Variants in RALGAPA2 observed in about 807,000 individuals in gnomAD.
The protein encoded by RALGAPA2 is ral GTPase-activating protein subunit alpha-2.
RALGAPA2 carries 139 observed loss-of-function variants against 230.4 expected under a neutral mutation model. The observed-to-expected ratio is 0.60, with a 90% CI of 0.53 to 0.69. RALGAPA2 has a LOEUF of 0.69. Among genes scored for constraint, RALGAPA2 ranks in the 30% least tolerant of loss-of-function variants. The pLI, the probability that RALGAPA2 is intolerant of heterozygous loss-of-function variation, is 0.00. For missense variants in RALGAPA2, 2,163 were observed against 2,276.0 expected, an observed-to-expected ratio of 0.95 and a Z score of 1.01; for synonymous variants, 847 against 837.8, an observed-to-expected ratio of 1.01 and a Z score of -0.19.
intron 39 of RALGAPA2, among the ~76,000 whole-genome samples, chr20:20,394,127 A>T (rs897612466): frequency 6.6e-6 from 1 of 152,110 alleles, no homozygotes; most frequent in African/African-American, 2.4e-5. Context: ...TATTATTATT[A>T]TTGGCATTTG....
chr20:20,510,141 C>T (rs2062657674), intron 33 of RALGAPA2, among the ~76,000 whole-genome samples: 1 of 152,148 alleles, frequency 6.6e-6, no homozygotes, highest in South Asian at 2.1e-4. Flanking sequence ...AATGTTCATT[C>T]AGCAGGCTCT....
chr20:20,484,044 T>G (rs1283802356), intron 36 of RALGAPA2, among the ~76,000 whole-genome samples: 3 of 152,178 alleles, frequency 2.0e-5, no homozygotes, highest in Non-Finnish European at 1.5e-5. Context: ...TTCAAGGATC[T>G]GACACAGTTT....
chr20:20,687,622 A>T, intron 1 of RALGAPA2, among the ~76,000 whole-genome samples: 1 of 152,182 alleles, frequency 6.6e-6, no homozygotes, highest in East Asian at 1.9e-4. Context: ...GAACCACCCC[A>T]GCGAATACAG....
intron 2 of RALGAPA2, among the ~76,000 whole-genome samples, chr20:20,680,358 G>A (rs1049898663): frequency 3.9e-5 from 6 of 152,208 alleles, no homozygotes; most frequent in Admixed American, 2.0e-4. Flanking sequence ...AGACACTTGA[G>A]TGTTCATTTC....
intron 10 of RALGAPA2, among the ~76,000 whole-genome samples, chr20:20,624,521 AC>A (rs1439781951): frequency 6.6e-6 from 1 of 152,112 alleles, no homozygotes; most frequent in African/African-American, 2.4e-5. Flanking sequence ...TCAAGACTAA[AC>A]AACTCTGTAC....
chr20:20,592,829 A>AT (rs2065333776), intron 16 of RALGAPA2, among the ~76,000 whole-genome samples: 1 of 152,114 alleles, frequency 6.6e-6, no homozygotes, highest in Non-Finnish European at 1.5e-5. Context: ...AAAGGTTGCT[A>AT]TTTTTTCTAT....
chr20:20,547,656 T>C (rs1239641569), intron 23 of RALGAPA2, among the ~76,000 whole-genome samples: 1 of 152,230 alleles, frequency 6.6e-6, no homozygotes, highest in Non-Finnish European at 1.5e-5. Context: ...TGTGTGTGTG[T>C]GTGTGTAACA....
intron 1 of RALGAPA2, among the ~76,000 whole-genome samples, chr20:20,705,661 T>G (rs2069569798): frequency 6.6e-6 from 1 of 151,862 alleles, no homozygotes; most frequent in Admixed American, 6.6e-5. Context: ...TTGTTGTTGT[T>G]GTTGTTTTGT....
At chr20:20,487,601 C>T (rs1028463593) in intron 36 of RALGAPA2, among the ~76,000 whole-genome samples, 10 of 152,158 alleles carry the variant, frequency 6.6e-5, no homozygotes, top group African/African-American at 2.2e-4. Context: ...CCAGGCCAGA[C>T]AGGCTGTGTG....
intron 1 of RALGAPA2, among the ~76,000 whole-genome samples, chr20:20,703,697 A>C (rs2069485412): frequency 2.0e-5 from 3 of 152,228 alleles, no homozygotes; most frequent in African/African-American, 7.2e-5. Flanking sequence ...GTCACAAGAA[A>C]GGCAAAAGTA....
rs571226081 is a variant in RALGAPA2 at position 20,497,019 on chromosome 20, T to G, written c.5209-1744A>C. ...TGATCCAGAACAATTTAATGGCATC[T>G]CCGACTTTCTAATGGCAAAATTACC... On this transcript the variant is annotated intron_variant, in intron 35 of 39. Coordinates refer to ENST00000202677, the MANE Select transcript of RALGAPA2 (RefSeq NM_020343.4). Among the ~76,000 whole-genome samples, 3 of 152,352 alleles carry G rather than the reference T, an allele frequency of 2.0e-5. No homozygotes were observed. The East Asian group carries it at 5.8e-4, about 29-fold the overall frequency.
At position 20,512,591 on chromosome 20, in the gene RALGAPA2, G is replaced by A. The variant is rs760697605; in HGVS notation, c.4778C>T (p.Ser1593Phe). 1.2e-6 allele frequency: 2 copies of A among 1,613,922 alleles called. 1 individual carries two copies. The highest frequency in any genetic ancestry group is 2.2e-5 in the South Asian group (2 of 91,078). The change falls in exon 32 of 40, where the codon TCC becomes TTC. Residue 1593 changes from serine (S) to phenylalanine (F), a missense_variant. Physicochemically the swap from Ser to Phe is radical, Grantham distance 155 (BLOSUM62 -2). Coordinates refer to ENST00000202677, the MANE Select transcript of RALGAPA2 (RefSeq NM_020343.4). Reference sequence around the variant, plus strand: ...AAAGGGTCCTCGGGGCTCCACTGGGGAGGGCTGCCCTTGGCTGGTGACTTT... The same window carrying A: ...AAAGGGTCCTCGGGGCTCCACTGGGAAGGGCTGCCCTTGGCTGGTGACTTT... ...AMKVTSQGQP[S>F]PVEPRGPFYF...
rs1484183688 is a variant in RALGAPA2, at chr20:20,569,125, A to C, written c.3156+2333T>G. On this transcript the variant is annotated intron_variant, in intron 23 of 39. Coordinates refer to ENST00000202677, the MANE Select transcript of RALGAPA2 (RefSeq NM_020343.4). ...TAACATGTGTTTCCAGAATTACATA[A>C]GTTCTGAAACAACCACTATGATCTA... is the stretch of plus-strand genomic sequence containing the variant. 2.6e-5 allele frequency among the ~76,000 whole-genome samples: 4 copies of C among 152,336 alleles called. 1 individual carries two copies. The East Asian group carries it at 7.7e-4, about 29-fold the overall frequency.
At chr20:20,497,857 C>T (rs1375094692) in intron 35 of RALGAPA2, among the ~76,000 whole-genome samples, 4 of 152,172 alleles carry the variant, frequency 2.6e-5, no homozygotes, top group Non-Finnish European at 5.9e-5. Context: ...CTCATAGCTG[C>T]TTTCAGTGGC....
intron 37 of RALGAPA2, among the ~76,000 whole-genome samples, chr20:20,450,370 C>T (rs1008190427): frequency 2.6e-5 from 4 of 152,314 alleles, no homozygotes; most frequent in South Asian, 2.1e-4. Context: ...TACTTTCCAT[C>T]CTAACTTAAC....
chr20:20,708,797 T>C (rs528641726), intron 1 of RALGAPA2, among the ~76,000 whole-genome samples: 1 of 152,320 alleles, frequency 6.6e-6, no homozygotes, highest in African/African-American at 2.4e-5. Flanking sequence ...TAACACACCA[T>C]AAATTTACTA....
At chr20:20,468,069 G>A (rs1416331449) in intron 37 of RALGAPA2, among the ~76,000 whole-genome samples, 1 of 151,762 alleles carries the variant, frequency 6.6e-6, no homozygotes, top group Non-Finnish European at 1.5e-5. Context: ...TCTACTGAAA[G>A]CTCATTACTT....
chr20:20,697,589 G>A (rs2069168650), intron 1 of RALGAPA2, among the ~76,000 whole-genome samples: 1 of 152,140 alleles, frequency 6.6e-6, no homozygotes, highest in South Asian at 2.1e-4. Flanking sequence ...CTATCTCTAG[G>A]AACAGGACAA....
intron 37 of RALGAPA2, among the ~76,000 whole-genome samples, chr20:20,424,770 G>A (rs1473871482): frequency 1.3e-5 from 2 of 151,748 alleles, no homozygotes; most frequent in African/African-American, 2.4e-5. Flanking sequence ...TCTGCACGTT[G>A]TGCACATGTA....
Sources: allele counts gnomAD v4.1 joint callset (sites outside exome capture counted in the v4.1 genomes callset), GRCh38; gene constraint gnomAD v4.1.1; transcripts MANE v1.5; gene names NCBI Gene and HGNC (gene_info 2026-07-23, HGNC 2026-07-21).